The following SESN1 variants were observed in gnomAD, a reference collection of about 807,000 sequenced individuals.
SESN1 encodes sestrin 1.
A neutral mutation model predicts 59.3 loss-of-function variants in SESN1; 30 were observed. The ratio of observed to expected loss-of-function variants is 0.51; its 90% CI spans 0.38 to 0.69. The LOEUF (loss-of-function observed/expected upper bound fraction) is 0.69. SESN1 is among the 30% of genes least tolerant of loss of function. SESN1 has a pLI of 0.00. For synonymous variants in SESN1, 197 were observed against 219.9 expected, an observed-to-expected ratio of 0.90 and a Z score of 0.92; for missense variants, 566 against 673.0, an observed-to-expected ratio of 0.84 and a Z score of 1.76.
At chr6:109,006,473 G>A (rs755222559) in intron 1 of SESN1, among the ~76,000 whole-genome samples, 42 of 82,830 alleles carry the variant, frequency 5.1e-4, no homozygotes, top group East Asian at 6.9e-4. Context: ...GACAGGCCCC[G>A]GTGTGTGATG....
At chr6:109,020,049 A>C (rs1779985754) in intron 1 of SESN1, among the ~76,000 whole-genome samples, 1 of 152,232 alleles carries the variant, frequency 6.6e-6, no homozygotes, top group Non-Finnish European at 1.5e-5. Flanking sequence ...TGCAGTTCAA[A>C]TAGGTCACAC....
intron 1 of SESN1, among the ~76,000 whole-genome samples, chr6:109,046,398 AG>A (rs1278716764): frequency 6.6e-6 from 1 of 151,470 alleles, no homozygotes; most frequent in Non-Finnish European, 1.5e-5. Flanking sequence ...AATGGTGCCC[AG>A]GCTGGAGTGC....
chr6:109,009,274 T>C, intron 1 of SESN1: 2 of 1,221,082 alleles, frequency 1.6e-6, no homozygotes, highest in Non-Finnish European at 2.1e-6. Context: ...GGAGGCAACG[T>C]GACCTCCGTG....
chr6:108,994,407 A>G, intron 6 of SESN1, 55 bp downstream of exon 6: 1 of 1,446,030 alleles, frequency 6.9e-7, no homozygotes, highest in South Asian at 1.3e-5. Flanking sequence ...TAAATTCTCT[A>G]AATAAAAAGT....
intron 1 of SESN1, among the ~76,000 whole-genome samples, chr6:109,004,907 A>G (rs1779702259): frequency 6.6e-6 from 1 of 152,232 alleles, no homozygotes; most frequent in Non-Finnish European, 1.5e-5. Context: ...GAGAAAGGGT[A>G]GAGAAACTGT....
At chr6:109,018,546 A>G (rs1779960843) in intron 1 of SESN1, among the ~76,000 whole-genome samples, 1 of 151,538 alleles carries the variant, frequency 6.6e-6, no homozygotes, top group Non-Finnish European at 1.5e-5. Context: ...GAAAGGGTGT[A>G]ACTGTCAATT....
intron 1 of SESN1, among the ~76,000 whole-genome samples, chr6:109,080,406 C>T (rs1781102206): frequency 6.6e-6 from 1 of 152,098 alleles, no homozygotes; most frequent in Middle Eastern, 3.2e-3. Flanking sequence ...GCCTTTTATA[C>T]ACCATATTTC....
In SESN1 at chr6:108,985,265, T is replaced by G. The variant is rs1200732954; in HGVS notation, c.*2279A>C. Reference sequence around the variant, plus strand: ...TGATAAAGTTTGGCCTAATAAAAAATTTTCCCAAATACGGCCAAAACAACT... The same window carrying G: ...TGATAAAGTTTGGCCTAATAAAAAAGTTTCCCAAATACGGCCAAAACAACT... On this transcript the variant is annotated 3_prime_UTR_variant, in exon 10 of 10. Transcript: ENST00000436639. Among the ~76,000 whole-genome samples the G allele has an allele frequency of 1.3e-5, 2 of 151,374 alleles. No homozygotes were observed. The highest frequency in any genetic ancestry group is 3.0e-5 in the Non-Finnish European group (2 of 67,718).
chr6:109,048,226 A>G (rs1780484018), intron 1 of SESN1, among the ~76,000 whole-genome samples: 1 of 152,168 alleles, frequency 6.6e-6, no homozygotes, highest in Admixed American at 6.5e-5. Context: ...CAAAGGCCTC[A>G]ATAAACATTC....
chr6:108,991,829 A>C (rs906595141), intron 7 of SESN1, among the ~76,000 whole-genome samples: 1 of 152,182 alleles, frequency 6.6e-6, no homozygotes, highest in Non-Finnish European at 1.5e-5. Flanking sequence ...CCAATTTTAA[A>C]CATACACCAC....
rs892377298 is a variant in SESN1, at chr6:109,094,474, G to C, written c.-401C>G. ...ACAGCTGAACGCCCTCCAGCCATTC[G>C]GGGCTTTTTTGTCTGTGCAGCCACC... is the stretch of plus-strand genomic sequence containing the variant. On this transcript the variant is annotated 5_prime_UTR_variant, in exon 1 of 10. Coordinates refer to ENST00000436639, the MANE Select transcript of SESN1 (RefSeq NM_014454.3). 2 of 170,830 alleles carry C rather than the reference G, an allele frequency of 1.2e-5. No homozygotes were observed. The highest frequency in any genetic ancestry group is 2.5e-5 in the Non-Finnish European group (2 of 79,786). The allele number at this position is 170,830 out of a possible 1,614,324, so 10.6% of individuals were successfully genotyped here.
intron 1 of SESN1, among the ~76,000 whole-genome samples, chr6:109,010,228 A>G (rs980561364): frequency 3.3e-5 from 5 of 152,200 alleles, no homozygotes; most frequent in South Asian, 2.1e-4. Context: ...CAGAATTTCA[A>G]TCTCTGAAAT....
At chr6:109,023,043 C>T (rs895607656) in intron 1 of SESN1, among the ~76,000 whole-genome samples, 6 of 152,192 alleles carry the variant, frequency 3.9e-5, no homozygotes, top group Non-Finnish European at 5.9e-5. Flanking sequence ...CTGCTCACTC[C>T]ACCCTCTGTG....
chr6:109,089,486 G>A (rs1321134885), intron 1 of SESN1, among the ~76,000 whole-genome samples: 1 of 152,180 alleles, frequency 6.6e-6, no homozygotes, highest in African/African-American at 2.4e-5. Context: ...TGGAGGGTGA[G>A]TTTAATCTGG....
At chr6:108,996,142 G>C (rs1276687521) in intron 5 of SESN1, among the ~76,000 whole-genome samples, 2 of 152,212 alleles carry the variant, frequency 1.3e-5, no homozygotes, top group Non-Finnish European at 2.9e-5. Flanking sequence ...GCCTAGCATA[G>C]TACCTGGTAC....
At chr6:109,047,360 T>C (rs1254557065) in intron 1 of SESN1, among the ~76,000 whole-genome samples, 67 of 40,294 alleles carry the variant, frequency 1.7e-3, no homozygotes, top group Admixed American at 5.9e-3. Flanking sequence ...GTCAGCCCCC[T>C]GCCCGGCCAG....
At chr6:109,002,192 A>G (rs1278649221) in intron 2 of SESN1, 86 bp downstream of exon 2, 6 of 1,169,030 alleles carry the variant, frequency 5.1e-6, no homozygotes, top group Non-Finnish European at 7.6e-6. Context: ...TTGTTGACCA[A>G]CAGTTCTTCA....
In SESN1 at chr6:109,056,667, C is replaced by T. The variant is rs114401928; in HGVS notation, c.279+37128G>A. Among the ~76,000 whole-genome samples, 1,310 of 152,272 alleles carry T rather than the reference C, an allele frequency of 8.6e-3. 24 individuals are homozygous for T. Among genetic ancestry groups the T allele is most frequent in the African/African-American group, 0.03 (1,241 of 41,556 alleles). On this transcript the variant is annotated intron_variant, in intron 1 of 9. Coordinates refer to ENST00000436639, the MANE Select transcript of SESN1 (RefSeq NM_014454.3). ...GAGAAGCTATGTTACACAGTTATCA[C>T]CAATGAGATACAAACAGAAGTCTGC...
At chr6:109,005,085 G>C (rs545857458) in intron 1 of SESN1, among the ~76,000 whole-genome samples, 1 of 152,310 alleles carries the variant, frequency 6.6e-6, no homozygotes, top group African/African-American at 2.4e-5. Flanking sequence ...TTAACCTACA[G>C]ATGTGCTCAC....
Sources: gnomAD v4.1 joint callset for allele counts (sites outside exome capture counted in the v4.1 genomes callset) on GRCh38, gnomAD v4.1.1 for gene constraint, MANE v1.5 for transcripts, NCBI Gene and HGNC (gene_info 2026-07-23, HGNC 2026-07-21) for gene names.